Variants in PCDH9 observed in about 807,000 individuals in gnomAD.
PCDH9 encodes protocadherin-9.
Under a neutral mutation model 70.6 loss-of-function variants are expected in PCDH9, and 24 were observed. The observed-to-expected ratio is 0.34, with a 90% CI of 0.25 to 0.48. The LOEUF is 0.48. Among genes scored for constraint, PCDH9 ranks in the 20% least tolerant of loss-of-function variants. The pLI is 0.99. For synonymous variants in PCDH9, 562 were observed against 558.5 expected (o/e 1.01, Z -0.09); for missense variants, 1,281 against 1,503.6 (o/e 0.85, Z 2.45).
chr13:66,562,494 T>C (rs138473958), intron 4 of PCDH9, among the ~76,000 whole-genome samples: 9 of 152,154 alleles, frequency 5.9e-5, no homozygotes, highest in Admixed American at 3.9e-4. Flanking sequence ...CTCACAATCA[T>C]GGCGGAAGGC....
chr13:66,774,046 G>A (rs2079852308), intron 3 of PCDH9, among the ~76,000 whole-genome samples: 1 of 152,056 alleles, frequency 6.6e-6, no homozygotes, highest in Admixed American at 6.5e-5. Flanking sequence ...CCAAACTGCT[G>A]GGATTACAGG....
At chr13:66,664,855 C>T (rs1264212291) in intron 3 of PCDH9, among the ~76,000 whole-genome samples, 1 of 151,976 alleles carries the variant, frequency 6.6e-6, no homozygotes, top group Non-Finnish European at 1.5e-5. Context: ...TCATCCCATC[C>T]CTACATCCCA....
chr13:66,929,042 A>G (rs892995836), intron 2 of PCDH9, among the ~76,000 whole-genome samples: 1 of 152,128 alleles, frequency 6.6e-6, no homozygotes, highest in African/African-American at 2.4e-5. Flanking sequence ...TACAGGAAAA[A>G]AATTATGCTC....
intron 2 of PCDH9, among the ~76,000 whole-genome samples, chr13:67,007,584 G>T (rs2084377030): frequency 6.6e-6 from 1 of 152,174 alleles, no homozygotes; most frequent in Non-Finnish European, 1.5e-5. Context: ...AGAGGAGTAA[G>T]AAATAACTTA....
chr13:66,327,359 T>A (rs1955866413), intron 4 of PCDH9, among the ~76,000 whole-genome samples: 1 of 152,208 alleles, frequency 6.6e-6, no homozygotes, highest in African/African-American at 2.4e-5. Flanking sequence ...TCTCAAAATG[T>A]ACTTTGAATT....
At position 67,074,030 on chromosome 13, in the gene PCDH9, TTCTATCTA is replaced by T. The variant is rs35805308; in HGVS notation, c.3036+151367_3036+151374del. Among the ~76,000 whole-genome samples, 1,285 of 149,014 alleles carry T rather than the reference TTCTATCTA, an allele frequency of 8.6e-3. 18 individuals are homozygous for T. The highest frequency in any genetic ancestry group is 0.013 in the South Asian group (59 of 4,622). ...CTTTTTGAATCTCATTGAGATGAAA[TTCTATCTA>T]TCTATCTATCTATCTATCTATCTAT... On this transcript the variant is annotated intron_variant, in intron 2 of 4. Coordinates refer to ENST00000377865, the MANE Select transcript of PCDH9 (RefSeq NM_203487.3).
intron 3 of PCDH9, among the ~76,000 whole-genome samples, chr13:66,638,472 A>G (rs1029657862): frequency 2.0e-5 from 3 of 152,194 alleles, no homozygotes; most frequent in African/African-American, 7.2e-5. Context: ...CCAATTTGTG[A>G]ACATAAAAAA....
chr13:66,762,420 C>T (rs1326129611), intron 3 of PCDH9, among the ~76,000 whole-genome samples: 3 of 151,956 alleles, frequency 2.0e-5, no homozygotes, highest in Non-Finnish European at 4.4e-5. Context: ...CTGTGGTGGG[C>T]CCAGTGTTAA....
chr13:67,122,231 A>G (rs973247448), intron 2 of PCDH9, among the ~76,000 whole-genome samples: 3 of 152,196 alleles, frequency 2.0e-5, no homozygotes, highest in Admixed American at 6.5e-5. Context: ...ATGATTAAAT[A>G]TAAATCGTTC....
chr13:67,081,626 A>G (rs1051884177), intron 2 of PCDH9, among the ~76,000 whole-genome samples: 7 of 152,128 alleles, frequency 4.6e-5, no homozygotes, highest in Non-Finnish European at 8.8e-5. Flanking sequence ...CTTAATGACC[A>G]TCTCATAGAA....
intron 4 of PCDH9, among the ~76,000 whole-genome samples, chr13:66,458,839 A>C (rs1005480368): frequency 2.6e-5 from 4 of 152,028 alleles, no homozygotes; most frequent in Non-Finnish European, 4.4e-5. Flanking sequence ...AATAACTCTA[A>C]TTCAAATTAT....
intron 2 of PCDH9, among the ~76,000 whole-genome samples, chr13:67,114,694 G>A (rs2086725184): frequency 6.6e-6 from 1 of 152,166 alleles, no homozygotes; most frequent in African/African-American, 2.4e-5. Context: ...AGTCCTCTAT[G>A]TAACAGTCCC....
At chr13:66,978,637 T>C (rs565492056) in intron 2 of PCDH9, among the ~76,000 whole-genome samples, 2 of 150,778 alleles carry the variant, frequency 1.3e-5, no homozygotes, top group East Asian at 3.9e-4. Context: ...AGGATTTATA[T>C]ATGGATTGCT....
At chr13:67,030,353 C>A (rs1250577058) in intron 2 of PCDH9, among the ~76,000 whole-genome samples, 1 of 152,088 alleles carries the variant, frequency 6.6e-6, no homozygotes, top group Admixed American at 6.6e-5. Flanking sequence ...GATACTTCTA[C>A]CAGAGGTCCC....
chr13:66,818,355 A>C (rs1239274938), intron 3 of PCDH9, among the ~76,000 whole-genome samples: 2 of 152,184 alleles, frequency 1.3e-5, no homozygotes, highest in African/African-American at 4.8e-5. Flanking sequence ...TTTTCAATTC[A>C]AAACATTTTG....
intron 3 of PCDH9, among the ~76,000 whole-genome samples, chr13:66,799,736 C>T (rs1010981650): frequency 3.3e-5 from 5 of 152,150 alleles, no homozygotes; most frequent in African/African-American, 1.2e-4. Context: ...TTTGTCAAAA[C>T]CTCACCTTCT....
At chr13:66,401,350 AG>A (rs1475234961) in intron 4 of PCDH9, among the ~76,000 whole-genome samples, 1 of 116,292 alleles carries the variant, frequency 8.6e-6, no homozygotes, top group South Asian at 2.6e-4. Flanking sequence ...TGGTTTTATG[AG>A]TTTTTTTTTC....
chr13:66,508,056 G>A (rs571133592), intron 4 of PCDH9, among the ~76,000 whole-genome samples: 2 of 152,202 alleles, frequency 1.3e-5, no homozygotes, highest in East Asian at 3.9e-4. Context: ...TCTGCAAATT[G>A]TTTGACCTCT....
In PCDH9 at chr13:66,658,432, C is replaced by T. The variant is rs555125099; in HGVS notation, c.3139-27021G>A. Among the ~76,000 whole-genome samples, 5 of 152,188 alleles carry T rather than the reference C, an allele frequency of 3.3e-5. No individual in the cohort carries two copies. The South Asian group carries it at 1.0e-3, about 32-fold the overall frequency. ...ACAATTCTTAAGGGTAATATTTAGT[C>T]ATGATCATTTATTGGTTAATTTACT... On this transcript the variant is annotated intron_variant, in intron 3 of 4. Transcript: ENST00000377865.
Sources: allele counts gnomAD v4.1 joint callset (sites outside exome capture counted in the v4.1 genomes callset), GRCh38; gene constraint gnomAD v4.1.1; transcripts MANE v1.5; gene names NCBI Gene and HGNC (gene_info 2026-07-23, HGNC 2026-07-21).